Variants in TMEM37 observed in about 807,000 individuals in gnomAD.
TMEM37 encodes the protein transmembrane protein 37.
TMEM37 carries 12 observed loss-of-function variants against 11.0 expected under a neutral mutation model. That is an observed-to-expected ratio of 1.09 (90% CI 0.70 to 1.76). The LOEUF (loss-of-function observed/expected upper bound fraction) is 1.76. TMEM37 is among the 40% of genes most tolerant of loss of function. The probability of loss-of-function intolerance (pLI) is 0.00; values close to 1 mark genes in which losing one functional copy is unlikely to be tolerated. For missense variants in TMEM37, 203 were observed against 251.2 expected, an observed-to-expected ratio of 0.81 and a Z score of 1.30; for synonymous variants, 127 against 110.5, an observed-to-expected ratio of 1.15 and a Z score of -0.94.
chr2:119,437,563 G>A lies in TMEM37; in HGVS notation c.*123G>A. ...GTTGGACAAGGGCCTTGAAACGGCT[G>A]CCTGTTTGCCGATAACTTGTGGGTG... On this transcript the variant is annotated 3_prime_UTR_variant, in exon 2 of 2. Coordinates refer to ENST00000306406, the MANE Select transcript of TMEM37 (RefSeq NM_183240.3). 6 of 1,296,206 alleles carry A rather than the reference G, an allele frequency of 4.6e-6. No individual in the cohort carries two copies. The African/African-American group carries it at 8.9e-5, about 19-fold the overall frequency. 80.3% of individuals were successfully genotyped at this position (1,296,206 alleles called of 1,614,324 possible).
chr2:119,431,915 C>G lies in TMEM37; in HGVS notation c.12C>G (p.Val4=). ...CCGCCGGGCGCAGCATGACTGCCGT[C>G]GGCGTGCAGGTAGCCGGCGCCTGGC... MTA[V]GVQAQRPLGQ... The change falls in exon 1 of 2, where the codon GTC becomes GTG. Residue 4 remains valine (V), a synonymous_variant. Transcript: ENST00000306406. 1 of 1,225,430 alleles carries G rather than the reference C, an allele frequency of 8.2e-7. No individual in the cohort carries two copies. Among genetic ancestry groups the G allele is most frequent in the Non-Finnish European group, 1.0e-6 (1 of 983,888 alleles). 75.9% of individuals were successfully genotyped at this position (1,225,430 alleles called of 1,614,324 possible). A position where few individuals can be genotyped will look rare whatever the true frequency, so the allele number is the denominator to read the frequency against.
intron 1 of TMEM37, among the ~76,000 whole-genome samples, chr2:119,436,175 C>T (rs188611708): frequency 9.2e-5 from 14 of 152,330 alleles, no homozygotes; most frequent in African/African-American, 3.4e-4. Flanking sequence ...GGGGCGCCTC[C>T]TTCCAGGGCT....
At position 119,437,905 on chromosome 2, in the gene TMEM37, GTCC is replaced by G. The variant is rs1682537333; in HGVS notation, c.*466_*468del. ...GAATGGATCATTCTTCCAGCTAAGG[GTCC>G]AATCAGTGCCTAGGACTTTCTTCCA... On this transcript the variant is annotated 3_prime_UTR_variant, in exon 2 of 2. Transcript: ENST00000306406. The G allele has an allele frequency of 9.0e-6, 1 of 111,152 alleles. No individual in the cohort carries two copies. Among genetic ancestry groups the G allele is most frequent in the South Asian group, 2.3e-4 (1 of 4,346 alleles). 6.9% of individuals were successfully genotyped at this position (111,152 alleles called of 1,614,324 possible). A position where few individuals can be genotyped will look rare whatever the true frequency, so the allele number is the denominator to read the frequency against.
rs753720633 is a variant in TMEM37, at chr2:119,437,451, T to G, written c.*11T>G. Reference sequence around the variant, plus strand: ...CATCCCTGGGAATGACCGTGGAAATTTTAGGCCCCCTCCAGGGACATCAGA... The same window carrying G: ...CATCCCTGGGAATGACCGTGGAAATGTTAGGCCCCCTCCAGGGACATCAGA... On this transcript the variant is annotated 3_prime_UTR_variant, in exon 2 of 2. Coordinates refer to ENST00000306406, the MANE Select transcript of TMEM37 (RefSeq NM_183240.3). The G allele has an allele frequency of 1.5e-5, 24 of 1,607,690 alleles. No homozygotes were observed. Among genetic ancestry groups the G allele is most frequent in the Non-Finnish European group, 2.0e-5 (23 of 1,176,456 alleles).
At chr2:119,432,665 C>G (rs1452566531) in intron 1 of TMEM37, among the ~76,000 whole-genome samples, 1 of 152,230 alleles carries the variant, frequency 6.6e-6, no homozygotes, top group African/African-American at 2.4e-5. Context: ...CGCAACTCGC[C>G]CGCTGCAGAG....
chr2:119,434,561 C>T (rs1303066426), intron 1 of TMEM37, among the ~76,000 whole-genome samples: 1 of 151,998 alleles, frequency 6.6e-6, no homozygotes, highest in Admixed American at 6.5e-5. Context: ...GCAGAGCCAG[C>T]CTGCTCAGCT....
chr2:119,430,021 C>T, upstream of TMEM37: 1 of 1,521,408 alleles, frequency 6.6e-7, no homozygotes, highest in South Asian at 1.2e-5. Flanking sequence ...CTGGGAGAGC[C>T]CACAGGGCAT....
upstream of TMEM37, chr2:119,429,906 T>C: frequency 6.5e-7 from 1 of 1,549,862 alleles, no homozygotes; most frequent in Non-Finnish European, 8.7e-7. Flanking sequence ...CACACGAAAC[T>C]GGAGAAGGCA....
At position 119,437,215 on chromosome 2, in the gene TMEM37, G is replaced by A. The variant is rs1682517848; in HGVS notation, c.348G>A (p.Glu116=). The A allele has an allele frequency of 1.2e-6, 2 of 1,614,242 alleles. No individual in the cohort carries two copies. Among genetic ancestry groups the A allele is most frequent in the South Asian group, 1.1e-5 (1 of 91,080 alleles). Residue 116 remains glutamate, a synonymous_variant, in exon 2 of 2, where the codon GAG becomes GAA. Transcript: ENST00000306406. ...LEFLMVSQLC[E]DKHSQCKWVM... ...TCCTCATGGTGTCCCAGTTGTGCGA[G>A]GACAAACACTCACAGTGCAAGTGGG... is the stretch of plus-strand genomic sequence containing the variant.
In TMEM37 at chr2:119,437,805, G is replaced by GAT; in HGVS notation, c.*367_*368dup. The GAT allele has an allele frequency of 3.7e-6, 1 of 271,076 alleles. No homozygotes were observed. Among genetic ancestry groups the GAT allele is most frequent in the South Asian group, 5.4e-5 (1 of 18,448 alleles). 16.8% of individuals were successfully genotyped at this position (271,076 alleles called of 1,614,324 possible). On this transcript the variant is annotated 3_prime_UTR_variant, in exon 2 of 2. Transcript: ENST00000306406. ...TACCTGAGCTAGCTGCACAGCCAAG[G>GAT]ATAGTTCATGCCTGTTTCATTGACA...
In TMEM37 at chr2:119,437,776, C is replaced by T; in HGVS notation, c.*336C>T. On this transcript the variant is annotated 3_prime_UTR_variant, in exon 2 of 2. Transcript: ENST00000306406. Reference sequence around the variant, plus strand: ...AATACAGTTGGAAGCACAGGGGTAACTGGTACCTGAGCTAGCTGCACAGCC... The same window carrying T: ...AATACAGTTGGAAGCACAGGGGTAATTGGTACCTGAGCTAGCTGCACAGCC... The T allele has an allele frequency of 6.1e-6, 2 of 327,358 alleles. No individual in the cohort carries two copies. The highest frequency in any genetic ancestry group is 1.1e-5 in the Non-Finnish European group (2 of 178,060). The allele number at this position is 327,358 out of a possible 1,614,324, so 20.3% of individuals were successfully genotyped here.
rs1201881066 is a variant in TMEM37 at position 119,437,841 on chromosome 2, T to C, written c.*401T>C. ...CCTGTTTCATTGACACGTGCTGGGA[T>C]AGGGGCTGCAGAATCCCTGGGGCTC... On this transcript the variant is annotated 3_prime_UTR_variant, in exon 2 of 2. Coordinates refer to ENST00000306406, the MANE Select transcript of TMEM37 (RefSeq NM_183240.3). 3.1e-5 allele frequency: 6 copies of C among 192,548 alleles called. No individual in the cohort carries two copies. Among genetic ancestry groups the C allele is most frequent in the South Asian group, 2.5e-4 (2 of 8,126 alleles). The allele number at this position is 192,548 out of a possible 1,614,324, so 11.9% of individuals were successfully genotyped here.
chr2:119,437,287 C>A lies in TMEM37; in HGVS notation c.420C>A (p.Gly140=), dbSNP rs555879458. ...LLLVSFVLSS[G]GLLGFVILLR... Reference sequence around the variant, plus strand: ...TGGTGTCTTTCGTCCTCTCCTCCGGCGGGCTCCTGGGTTTTGTGATCCTCC... The same window carrying A: ...TGGTGTCTTTCGTCCTCTCCTCCGGAGGGCTCCTGGGTTTTGTGATCCTCC... The change falls in exon 2 of 2, where the codon GGC becomes GGA. Residue 140 remains glycine (G), a synonymous_variant. Coordinates refer to ENST00000306406, the MANE Select transcript of TMEM37 (RefSeq NM_183240.3). The A allele has an allele frequency of 2.5e-6, 4 of 1,614,242 alleles. No homozygotes were observed. The highest frequency in any genetic ancestry group is 3.4e-6 in the Non-Finnish European group (4 of 1,180,050).
upstream of TMEM37, chr2:119,429,908 G>C: frequency 6.5e-7 from 1 of 1,550,104 alleles, no homozygotes. Context: ...CACGAAACTG[G>C]AGAAGGCAGT....
In TMEM37 at chr2:119,437,293, C is replaced by G; in HGVS notation, c.426C>G (p.Leu142=). Residue 142 remains leucine (L), a synonymous_variant, in exon 2 of 2, where the codon CTC becomes CTG. Transcript: ENST00000306406. Reference sequence around the variant, plus strand: ...CTTTCGTCCTCTCCTCCGGCGGGCTCCTGGGTTTTGTGATCCTCCTCAGGA... The same window carrying G: ...CTTTCGTCCTCTCCTCCGGCGGGCTGCTGGGTTTTGTGATCCTCCTCAGGA... ...LVSFVLSSGG[L]LGFVILLRNQ... 3.1e-6 allele frequency: 5 copies of G among 1,614,234 alleles called. No individual in the cohort carries two copies. Among genetic ancestry groups the G allele is most frequent in the Non-Finnish European group, 4.2e-6 (5 of 1,180,038 alleles).
Position 119,437,490 on chromosome 2 carries a change from T to C in TMEM37, c.*50T>C. 1 of 1,565,716 alleles carries C rather than the reference T, an allele frequency of 6.4e-7. No individual in the cohort carries two copies. The highest frequency in any genetic ancestry group is 8.6e-7 in the Non-Finnish European group (1 of 1,157,054). On this transcript the variant is annotated 3_prime_UTR_variant, in exon 2 of 2. Coordinates refer to ENST00000306406, the MANE Select transcript of TMEM37 (RefSeq NM_183240.3). Reference sequence around the variant, plus strand: ...AGGGACATCAGATTCCACAAGAAAATATGGTCAAAATGGGACTTTTCCAGC... The same window carrying C: ...AGGGACATCAGATTCCACAAGAAAACATGGTCAAAATGGGACTTTTCCAGC...
At chr2:119,429,935 A>G, upstream of TMEM37, 1 of 1,550,502 alleles carries the variant, frequency 6.4e-7, no homozygotes, top group South Asian at 1.2e-5. Flanking sequence ...AGATGACCCG[A>G]CCTGACTGTT....
intron 1 of TMEM37, among the ~76,000 whole-genome samples, chr2:119,435,938 A>C (rs1280365327): frequency 1.3e-5 from 2 of 152,178 alleles, no homozygotes; most frequent in East Asian, 3.8e-4. Context: ...CAGTCATCTG[A>C]GGAAAGAAAG....
chr2:119,434,971 G>A (rs562648000), intron 1 of TMEM37, among the ~76,000 whole-genome samples: 1 of 152,280 alleles, frequency 6.6e-6, no homozygotes, highest in Non-Finnish European at 1.5e-5. Flanking sequence ...TTTATTCGCT[G>A]AACGGATTCC....
Sources: allele counts gnomAD v4.1 joint callset (sites outside exome capture counted in the v4.1 genomes callset), GRCh38; gene constraint gnomAD v4.1.1; transcripts MANE v1.5; gene names NCBI Gene and HGNC (gene_info 2026-07-23, HGNC 2026-07-21).